Variants in KBTBD3 observed in about 807,000 individuals in gnomAD.
KBTBD3 encodes the protein kelch repeat and BTB domain containing 3.
Under a neutral mutation model 49.6 loss-of-function variants are expected in KBTBD3, and 38 were observed. The observed-to-expected ratio is 0.77, with a 90% confidence interval of 0.59 to 1.00. KBTBD3 has a LOEUF of 1.00. Ranked by LOEUF, KBTBD3 falls within the 50% of genes least tolerant of loss-of-function variation. The pLI is 0.00. For missense variants in KBTBD3, 661 were observed against 712.0 expected (o/e 0.93, Z 0.81); for synonymous variants, 214 against 250.4 (o/e 0.85, Z 1.37).
At chr11:106,063,236 A>C (rs528824786) in intron 2 of KBTBD3, among the ~76,000 whole-genome samples, 20 of 152,236 alleles carry the variant, frequency 1.3e-4, no homozygotes, top group Admixed American at 5.2e-4. Flanking sequence ...GCTGGTTACA[A>C]ATAGGGAACT....
Position 106,053,511 on chromosome 11 carries a change from C to T in KBTBD3, c.1178G>A (p.Arg393Lys). 1 of 1,613,770 alleles carries T rather than the reference C, an allele frequency of 6.2e-7. No homozygotes were observed. The highest frequency in any genetic ancestry group is 8.5e-7 in the Non-Finnish European group (1 of 1,179,858). ...FFLVSTMKTP[R>K]TMHTSVMALD... is the part of the protein sequence containing the mutation. The stretch of plus-strand genomic sequence containing the variant: ...AGCCATAACTGATGTATGCATGGTT[C>T]TTGGTGTTTTCATAGTTGATACCAA... The change falls in exon 4 of 4, where the codon AGA (arginine) becomes AAA (lysine). Residue 393 changes from arginine (R) to lysine (K), a missense_variant. By Grantham distance (26) the Arg-to-Lys change is conservative. Coordinates refer to ENST00000531837, the MANE Select transcript of KBTBD3 (RefSeq NM_198439.3).
Position 106,052,808 on chromosome 11 carries a change from A to C in KBTBD3, c.*42T>G. The C allele has an allele frequency of 6.6e-7, 1 of 1,514,542 alleles. No individual in the cohort carries two copies. Among genetic ancestry groups the C allele is most frequent in the African/African-American group, 1.4e-5 (1 of 71,542 alleles). 93.8% of individuals were successfully genotyped at this position (1,514,542 alleles called of 1,614,324 possible). ...TTTTTACCTATCATTTTGGTTAACA[A>C]ATTTACTTTAGGTTACTAGAACTGG... On this transcript the variant is annotated 3_prime_UTR_variant, in exon 4 of 4. Coordinates refer to ENST00000531837, the MANE Select transcript of KBTBD3 (RefSeq NM_198439.3).
chr11:106,065,054 C>A (rs1860778088), intron 2 of KBTBD3, among the ~76,000 whole-genome samples: 1 of 152,186 alleles, frequency 6.6e-6, no homozygotes, highest in African/African-American at 2.4e-5. Context: ...ATGGAACATT[C>A]TAAAGCAGTA....
In KBTBD3 at chr11:106,059,073, A is replaced by G; in HGVS notation, c.25T>C (p.Tyr9His). Residue 9 changes from tyrosine (Y) to histidine (H), a missense_variant, in exon 3 of 4, where the codon TAT becomes CAT. Coordinates refer to ENST00000531837, the MANE Select transcript of KBTBD3 (RefSeq NM_198439.3). MELAMDNS[Y>H]AFNQRSTCNG... ...CATGTGCTTCGTTGATTGAAAGCAT[A>G]TGAATTATCCATAGCCAATTCCATA... 2 of 1,554,174 alleles carry G rather than the reference A, an allele frequency of 1.3e-6. No individual in the cohort carries two copies. Among genetic ancestry groups the G allele is most frequent in the Non-Finnish European group, 1.7e-6 (2 of 1,161,494 alleles).
At chr11:106,066,000 G>A (rs1391622764) in intron 2 of KBTBD3, among the ~76,000 whole-genome samples, 16 of 151,554 alleles carry the variant, frequency 1.1e-4, no homozygotes, top group Non-Finnish European at 1.5e-5. Flanking sequence ...GGGGCCTAGA[G>A]GAGCATGTAG....
intron 2 of KBTBD3, among the ~76,000 whole-genome samples, chr11:106,059,425 A>G (rs1860636061): frequency 6.6e-6 from 1 of 152,176 alleles, no homozygotes; most frequent in Non-Finnish European, 1.5e-5. Context: ...GATTAATATT[A>G]TTACTATACA....
rs866806920 is a variant in KBTBD3, at chr11:106,053,092, C to T, written c.1597G>A (p.Gly533Ser). Residue 533 changes from glycine (G) to serine (S), a missense_variant, in exon 4 of 4, where the codon GGC becomes AGC. Transcript: ENST00000531837. Reference protein sequence around the residue: ...SFCPDTCVWKGEGSFECAGFN... With the variant: ...SFCPDTCVWKSEGSFECAGFN... ...CCTGCACACTCAAAAGATCCTTCGCCTTTCCAAACACAAGTGTCTGGACAA... is the reference window on the plus strand; with the variant it reads ...CCTGCACACTCAAAAGATCCTTCGCTTTTCCAAACACAAGTGTCTGGACAA... The T allele has an allele frequency of 6.2e-7, 1 of 1,613,758 alleles. No homozygotes were observed.
intron 2 of KBTBD3, among the ~76,000 whole-genome samples, chr11:106,069,333 T>TTTG (rs1860873925): frequency 3.3e-5 from 5 of 151,998 alleles, no homozygotes; most frequent in Non-Finnish European, 5.9e-5. Context: ...AGATAGTCCA[T>TTTG]GTAGAAACTC....
chr11:106,060,376 A>C (rs1395692233), intron 2 of KBTBD3, among the ~76,000 whole-genome samples: 1 of 152,116 alleles, frequency 6.6e-6, no homozygotes, highest in East Asian at 1.9e-4. Context: ...GAAGGGTTAC[A>C]TTGTTTTATA....
intron 2 of KBTBD3, among the ~76,000 whole-genome samples, chr11:106,067,369 C>T (rs571485034): frequency 2.0e-5 from 3 of 152,136 alleles, no homozygotes; most frequent in South Asian, 2.1e-4. Context: ...TTGGGGAGGC[C>T]GAGGAGGGCA....
In KBTBD3 at chr11:106,058,885, T is replaced by C. The variant is rs766409223; in HGVS notation, c.213A>G (p.Ala71=). The C allele has an allele frequency of 1.3e-6, 2 of 1,573,556 alleles. No individual in the cohort carries two copies. Among genetic ancestry groups the C allele is most frequent in the Non-Finnish European group, 1.7e-6 (2 of 1,165,772 alleles). Residue 71 remains alanine, a synonymous_variant, in exon 3 of 4, where the codon GCA becomes GCG. Transcript: ENST00000531837. The stretch of plus-strand genomic sequence containing the variant: ...AGTACCTGAAAAAGTCACTGCATGC[T>C]GCTAACACACAACGATGACACGGGA... ...EIIPCHRCVL[A]ACSDFFRAMF... is the part of the protein sequence containing the mutation.
At chr11:106,075,892 C>G (rs1861019243) in intron 2 of KBTBD3, 4 of 152,122 alleles carry the variant, frequency 2.6e-5, no homozygotes, top group Non-Finnish European at 4.4e-5. Context: ...CTCCATAGAT[C>G]TAATACACAG....
chr11:106,057,751 T>C (rs1860584543), intron 3 of KBTBD3: 1 of 288,060 alleles, frequency 3.5e-6, no homozygotes, highest in African/African-American at 2.2e-5. Context: ...AGAAGTACTT[T>C]TCCCTAATAT....
intron 3 of KBTBD3, among the ~76,000 whole-genome samples, chr11:106,055,022 G>A (rs918511356): frequency 7.9e-5 from 12 of 151,966 alleles, no homozygotes; most frequent in African/African-American, 2.2e-4. Flanking sequence ...TAGGAGAAGG[G>A]GAATGTGATT....
At chr11:106,073,520 G>C (rs140491891) in intron 2 of KBTBD3, among the ~76,000 whole-genome samples, 1 of 152,226 alleles carries the variant, frequency 6.6e-6, no homozygotes, top group East Asian at 1.9e-4. Flanking sequence ...AAGTAATTTG[G>C]CTAAGATCAT....
chr11:106,058,437 T>G (rs952046702), intron 3 of KBTBD3, among the ~76,000 whole-genome samples: 14 of 151,848 alleles, frequency 9.2e-5, no homozygotes, highest in African/African-American at 2.9e-4. Context: ...TTGTTTTTGT[T>G]TTTTTGAGAT....
chr11:106,053,325 A>G lies in KBTBD3; in HGVS notation c.1364T>C (p.Val455Ala). The stretch of plus-strand genomic sequence containing the variant: ...TACCTCTGATCCAAGAACATAAATT[A>G]CATTTTGGCATGTGCTTGCTTCTGG... ...YYPEASTCQNVIYVLGSEVEI... is the reference protein window; with the variant it reads ...YYPEASTCQNAIYVLGSEVEI... Residue 455 changes from valine (V) to alanine (A), a missense_variant, in exon 4 of 4, where the codon GTA becomes GCA. Val to Ala is a moderately conservative substitution (Grantham distance 64). Coordinates refer to ENST00000531837, the MANE Select transcript of KBTBD3 (RefSeq NM_198439.3). The G allele has an allele frequency of 6.2e-7, 1 of 1,613,414 alleles. No homozygotes were observed. Among genetic ancestry groups the G allele is most frequent in the South Asian group, 1.1e-5 (1 of 91,072 alleles).
rs1023040972 is a variant in KBTBD3 at position 106,052,721 on chromosome 11, T to C, written c.*129A>G. On this transcript the variant is annotated 3_prime_UTR_variant, in exon 4 of 4. Transcript: ENST00000531837. The stretch of plus-strand genomic sequence containing the variant: ...AGTTTTTGGAAACTGTTTATTCATA[T>C]ATGGTGTACATACATAATAACTAAA... The C allele has an allele frequency of 1.0e-5, 7 of 675,368 alleles. No individual in the cohort carries two copies. The highest frequency in any genetic ancestry group is 6.7e-5 in the South Asian group (3 of 44,906). 41.8% of individuals were successfully genotyped at this position (675,368 alleles called of 1,614,324 possible). A position where few individuals can be genotyped will look rare whatever the true frequency, so the allele number is the denominator to read the frequency against.
rs367768045 is a variant in KBTBD3 at position 106,053,839 on chromosome 11, G to T, written c.850C>A (p.Leu284Ile). Residue 284 changes from leucine to isoleucine, a missense_variant, in exon 4 of 4, where the codon CTC becomes ATC. By Grantham distance (5) the Leu-to-Ile change is conservative. Coordinates refer to ENST00000531837, the MANE Select transcript of KBTBD3 (RefSeq NM_198439.3). ...AIKCVQGSGGLFPDARPSTTE... is the reference protein window; with the variant it reads ...AIKCVQGSGGIFPDARPSTTE... ...GTGGATGGTCGAGCATCAGGGAAGA[G>T]TCCACCAGAACCTTGCACACACTTA... is the stretch of plus-strand genomic sequence containing the variant. 2 of 1,613,960 alleles carry T rather than the reference G, an allele frequency of 1.2e-6. No individual in the cohort carries two copies. Among genetic ancestry groups the T allele is most frequent in the Non-Finnish European group, 1.7e-6 (2 of 1,179,906 alleles).
Sources: allele counts gnomAD v4.1 joint callset (sites outside exome capture counted in the v4.1 genomes callset), GRCh38; gene constraint gnomAD v4.1.1; transcripts MANE v1.5; gene names NCBI Gene and HGNC (gene_info 2026-07-23, HGNC 2026-07-21).